The following RPRD1A variants were observed in gnomAD, a reference collection of about 807,000 sequenced individuals.
The protein encoded by RPRD1A is regulation of nuclear pre-mRNA domain containing 1A, also known as regulation of nuclear pre-mRNA domain-containing protein 1A.
Under a neutral mutation model 37.8 loss-of-function variants are expected in RPRD1A, and 9 were observed. The observed-to-expected ratio is 0.24, with a 90% confidence interval of 0.14 to 0.42. RPRD1A has a LOEUF of 0.42. RPRD1A is among the 10% of genes least tolerant of loss of function. The pLI, the probability that RPRD1A is intolerant of heterozygous loss-of-function variation, is 1.00. For missense variants in RPRD1A, 255 were observed against 371.0 expected (o/e 0.69, Z 2.57); for synonymous variants, 138 against 139.7 (o/e 0.99, Z 0.08).
At chr18:36,045,874 G>C (rs1912919353) in intron 1 of RPRD1A, among the ~76,000 whole-genome samples, 1 of 152,036 alleles carries the variant, frequency 6.6e-6, no homozygotes. Flanking sequence ...CAAATAAACT[G>C]CATGGGAAAA....
intron 6 of RPRD1A, among the ~76,000 whole-genome samples, chr18:36,014,893 ATAC>A (rs1910408010): frequency 6.6e-6 from 1 of 152,136 alleles, no homozygotes; most frequent in Non-Finnish European, 1.5e-5. Flanking sequence ...CCACAATGAG[ATAC>A]TACCTAATAT....
At chr18:36,019,439 G>T (rs1034023876) in intron 6 of RPRD1A, among the ~76,000 whole-genome samples, 1 of 152,100 alleles carries the variant, frequency 6.6e-6, no homozygotes, top group African/African-American at 2.4e-5. Flanking sequence ...AGTGTGATGG[G>T]ATCTGATTTC....
chr18:36,067,541 G>T lies in RPRD1A; in HGVS notation c.-137C>A, dbSNP rs867589471. The T allele has an allele frequency of 4.7e-6, 4 of 855,174 alleles. No individual in the cohort carries two copies. The highest frequency in any genetic ancestry group is 1.8e-5 in the African/African-American group (1 of 56,756). The allele number at this position is 855,174 out of a possible 1,614,324, so 53.0% of individuals were successfully genotyped here. ...CACGGCCGCCGCTTCATCCAAGACCGGCCGCAAACCAGCAAGATGGCGTCC... is the reference window on the plus strand; with the variant it reads ...CACGGCCGCCGCTTCATCCAAGACCTGCCGCAAACCAGCAAGATGGCGTCC... On this transcript the variant is annotated 5_prime_UTR_variant, in exon 1 of 7. Coordinates refer to ENST00000399022, the MANE Select transcript of RPRD1A (RefSeq NM_018170.5).
At chr18:36,048,761 T>C (rs1913147561) in intron 1 of RPRD1A, among the ~76,000 whole-genome samples, 1 of 152,004 alleles carries the variant, frequency 6.6e-6, no homozygotes, top group South Asian at 2.1e-4. Context: ...TTACACATGG[T>C]GCTGGAAATT....
intron 4 of RPRD1A, chr18:36,028,299 T>C (rs553677173): frequency 6.6e-6 from 1 of 152,190 alleles, no homozygotes; most frequent in East Asian, 1.9e-4. Context: ...TGAATGAAAC[T>C]AATAAGAAAT....
chr18:35,996,977 C>CCAAA (rs1491180394), intron 6 of RPRD1A, among the ~76,000 whole-genome samples: 1 of 55,612 alleles, frequency 1.8e-5, no homozygotes. Flanking sequence ...GACCCTGTCT[C>CCAAA]AAAAAAAAAA....
In RPRD1A at chr18:36,022,057, C is replaced by T. The variant is rs80236203; in HGVS notation, c.789+4843G>A. On this transcript the variant is annotated intron_variant, in intron 6 of 6. Transcript: ENST00000399022. ...CAAAGAAGAAAGCTAAACAGCCTTA[C>T]TGGTGATATGTAGGAAGTTTCAGTA... Among the ~76,000 whole-genome samples the T allele has an allele frequency of 2.0e-5, 3 of 152,268 alleles. No homozygotes were observed. The East Asian group carries it at 5.8e-4, about 29-fold the overall frequency.
chr18:36,027,251 T>C lies in RPRD1A; in HGVS notation c.546A>G (p.Ala182=). ...GTAAAGAAGCTATCCTCTGATGAAC[T>C]GCTGCATCACCTGAGGCTGCATTTT... ...DLENAASGDA[A]VHQRIASLPV... is the part of the protein sequence containing the mutation. The change falls in exon 5 of 7, where the codon GCA becomes GCG. Residue 182 remains alanine, a synonymous_variant. Transcript: ENST00000399022. 6.2e-7 allele frequency: 1 copy of C among 1,613,274 alleles called. No individual in the cohort carries two copies. The highest frequency in any genetic ancestry group is 8.5e-7 in the Non-Finnish European group (1 of 1,179,200).
chr18:36,022,488 T>C (rs992683769), intron 6 of RPRD1A, among the ~76,000 whole-genome samples: 3 of 152,244 alleles, frequency 2.0e-5, no homozygotes, highest in Admixed American at 6.5e-5. Flanking sequence ...GGAGCTAAAG[T>C]AGCTGACGAC....
intron 6 of RPRD1A, chr18:36,025,763 C>T: frequency 1.7e-6 from 1 of 576,824 alleles, no homozygotes; most frequent in Non-Finnish European, 2.6e-6. Flanking sequence ...ACCCTTAATT[C>T]TGTGGACAAT....
intron 1 of RPRD1A, among the ~76,000 whole-genome samples, chr18:36,053,210 T>G (rs1417069756): frequency 6.6e-6 from 1 of 152,152 alleles, no homozygotes; most frequent in Non-Finnish European, 1.5e-5. Flanking sequence ...TTTAACCACT[T>G]TAAAGCATAC....
chr18:36,015,131 TACACACACACACAC>T (rs201284977), intron 6 of RPRD1A, among the ~76,000 whole-genome samples: 43 of 122,966 alleles, frequency 3.5e-4, no homozygotes, highest in African/African-American at 1.3e-3. Context: ...GGGTCTCACA[TACACACACACACAC>T]ACACACACAC....
intron 6 of RPRD1A, among the ~76,000 whole-genome samples, chr18:36,010,036 T>C (rs1910077861): frequency 1.3e-5 from 2 of 152,242 alleles, no homozygotes; most frequent in Admixed American, 1.3e-4. Flanking sequence ...TTTACATACA[T>C]CTTTGTAATA....
At chr18:36,037,377 T>C (rs1912267279) in intron 1 of RPRD1A, among the ~76,000 whole-genome samples, 1 of 152,204 alleles carries the variant, frequency 6.6e-6, no homozygotes. Context: ...CACTTCACTC[T>C]GTACTTCTTC....
chr18:36,015,153 C>T lies in RPRD1A; in HGVS notation c.789+11747G>A, dbSNP rs201458732. ...ACATACACACACACACACACACACACACACATATATACACATATATACACA... is the reference window on the plus strand; with the variant it reads ...ACATACACACACACACACACACACATACACATATATACACATATATACACA... On this transcript the variant is annotated intron_variant, in intron 6 of 6. Transcript: ENST00000399022. Among the ~76,000 whole-genome samples, 11 of 108,312 alleles carry T rather than the reference C, an allele frequency of 1.0e-4. No homozygotes were observed. The East Asian group carries it at 1.1e-3, about 11-fold the overall frequency. 71.1% of individuals were successfully genotyped at this position (108,312 alleles called of 152,430 possible).
Position 36,023,690 on chromosome 18 carries a change from T to C in RPRD1A, c.789+3210A>G, listed in dbSNP as rs569598737. Among the ~76,000 whole-genome samples, 4 of 152,312 alleles carry C rather than the reference T, an allele frequency of 2.6e-5. No homozygotes were observed. In the East Asian group the frequency reaches 5.8e-4, roughly 22 times the overall value. On this transcript the variant is annotated intron_variant, in intron 6 of 6. Transcript: ENST00000399022. ...TTATCACTGTGTTAATAAACTGCCA[T>C]AGCCACATCCTTCAGCAATCACCAC...
chr18:36,056,347 G>A (rs1598666508), intron 1 of RPRD1A, among the ~76,000 whole-genome samples: 2 of 151,948 alleles, frequency 1.3e-5, no homozygotes, highest in African/African-American at 2.4e-5. Context: ...GAATGCAGTG[G>A]CACAATCTCG....
At chr18:36,016,259 G>A (rs952094949) in intron 6 of RPRD1A, among the ~76,000 whole-genome samples, 5 of 151,974 alleles carry the variant, frequency 3.3e-5, no homozygotes, top group South Asian at 2.1e-4. Flanking sequence ...TTTCACTCTC[G>A]TTGCCCAGGC....
rs986326743 is a variant in RPRD1A, at chr18:36,055,894, C to G, written c.151+11360G>C. ...GAGAATGAAAATACACCCAGATACA[C>G]AGAAAAACTTAAGGTAGCATTTCAA... On this transcript the variant is annotated intron_variant, in intron 1 of 6. Transcript: ENST00000399022. 3.3e-5 allele frequency among the ~76,000 whole-genome samples: 5 copies of G among 152,074 alleles called. 1 individual carries two copies.
Sources: allele counts gnomAD v4.1 joint callset (sites outside exome capture counted in the v4.1 genomes callset), GRCh38; gene constraint gnomAD v4.1.1; transcripts MANE v1.5; gene names NCBI Gene and HGNC (gene_info 2026-07-23, HGNC 2026-07-21).